The following SASS6 variants were observed in gnomAD, a reference collection of about 807,000 sequenced individuals.
The protein encoded by SASS6 is SAS-6 centriolar assembly protein, also known as spindle assembly abnormal protein 6 homolog.
In SASS6, 59 loss-of-function variants were observed where a neutral mutation model predicts 94.9. The ratio of observed to expected loss-of-function variants is 0.62; its 90% confidence interval spans 0.50 to 0.77. SASS6 has a LOEUF of 0.77. SASS6 is among the 30% of genes least tolerant of loss of function. The pLI, the probability that SASS6 is intolerant of heterozygous loss-of-function variation, is 0.00. For missense variants in SASS6, 698 were observed against 734.1 expected, an observed-to-expected ratio of 0.95 and a Z score of 0.57; for synonymous variants, 264 against 270.0, an observed-to-expected ratio of 0.98 and a Z score of 0.22.
chr1:100,114,912 C>CA (rs1394611205), intron 7 of SASS6, among the ~76,000 whole-genome samples: 1 of 151,916 alleles, frequency 6.6e-6, no homozygotes, highest in Admixed American at 6.6e-5. Flanking sequence ...GGTTAGATCC[C>CA]AAAACTCATT....
chr1:100,120,245 A>AGT (rs1276900495), intron 6 of SASS6, 149 bp downstream of exon 6: 1 of 577,086 alleles, frequency 1.7e-6, no homozygotes, highest in Non-Finnish European at 3.1e-6. Context: ...AAGATAATTA[A>AGT]GTGGTAGTTG....
At chr1:100,091,441 C>T (rs1044310144) in intron 14 of SASS6, among the ~76,000 whole-genome samples, 1 of 151,670 alleles carries the variant, frequency 6.6e-6, no homozygotes, top group South Asian at 2.1e-4. Context: ...TTCTAATGTC[C>T]AGGATACAAT....
Position 100,107,500 on chromosome 1 carries a change from C to T in SASS6, c.1200G>A (p.Lys400=), listed in dbSNP as rs763224775. The T allele has an allele frequency of 1.2e-5, 19 of 1,608,452 alleles. 1 individual carries two copies. In the South Asian group the frequency reaches 2.1e-4, roughly 18 times the overall value. The change falls in exon 11 of 17, where the codon AAG becomes AAA. Residue 400 remains lysine (K), a synonymous_variant. Coordinates refer to ENST00000287482, the MANE Select transcript of SASS6 (RefSeq NM_194292.3). ...LQGDLKTLMG[K]LKLKNTVTIQ... ...TAGTAACTGTATTCTTCAATTTCAA[C>T]TTACCCATTAAAGTTTTCAGATCCC...
intron 13 of SASS6, 64 bp from the exon 14 acceptor site, chr1:100,103,147 C>T (rs1181225101): frequency 5.6e-6 from 6 of 1,075,900 alleles, no homozygotes; most frequent in Non-Finnish European, 8.1e-6. Flanking sequence ...ATTTGTTGAT[C>T]AGGTGGCATT....
intron 3 of SASS6, 103 bp downstream of exon 3, chr1:100,123,107 A>G: frequency 1.8e-6 from 1 of 563,500 alleles, no homozygotes; most frequent in Non-Finnish European, 3.2e-6. Context: ...TCCCAAAGTA[A>G]CTAAATCTAA....
Position 100,083,753 on chromosome 1 carries a change from T to C in SASS6, c.*1575A>G, listed in dbSNP as rs1651014655. On this transcript the variant is annotated 3_prime_UTR_variant, in exon 17 of 17. Transcript: ENST00000287482. Reference sequence around the variant, plus strand: ...ATACATTTAATACAAATTTGCAAGATATCAGAATGATCTCTCCTGAAAATT... The same window carrying C: ...ATACATTTAATACAAATTTGCAAGACATCAGAATGATCTCTCCTGAAAATT... The C allele has an allele frequency of 6.6e-6, 1 of 152,068 alleles. No homozygotes were observed. Among genetic ancestry groups the C allele is most frequent in the Non-Finnish European group, 1.5e-5 (1 of 67,928 alleles). 9.4% of individuals were successfully genotyped at this position (152,068 alleles called of 1,614,324 possible).
chr1:100,106,322 A>G (rs1652905279), intron 12 of SASS6, among the ~76,000 whole-genome samples: 1 of 152,198 alleles, frequency 6.6e-6, no homozygotes, highest in Admixed American at 6.5e-5. Flanking sequence ...TAAAAAAAGG[A>G]ATAATGAAGA....
rs57639570 is a variant in SASS6 at position 100,091,630 on chromosome 1, T to TAA, written c.1675-3396_1675-3395dup. On this transcript the variant is annotated intron_variant, in intron 14 of 16. Transcript: ENST00000287482. Reference sequence around the variant, plus strand: ...TCAAATGAATGTAAAAAAGTCTCATTAAAAAAAAAAAAAAAAAAGGAAAGA... The same window carrying TAA: ...TCAAATGAATGTAAAAAAGTCTCATTAAAAAAAAAAAAAAAAAAAAGGAAAGA... Among the ~76,000 whole-genome samples the TAA allele has an allele frequency of 5.7e-3, 475 of 83,018 alleles. 3 individuals carry two copies. The highest frequency in any genetic ancestry group is 0.021 in the African/African-American group (450 of 21,456). 54.5% of individuals were successfully genotyped at this position (83,018 alleles called of 152,430 possible).
chr1:100,104,778 C>A (rs1201818897), intron 13 of SASS6, among the ~76,000 whole-genome samples: 2 of 141,940 alleles, frequency 1.4e-5, no homozygotes, highest in Non-Finnish European at 3.0e-5. Flanking sequence ...CCTTTTTTCT[C>A]AGGTTAAAAA....
At chr1:100,103,213 G>C in intron 13 of SASS6, 130 bp from the exon 14 acceptor site, 1 of 569,774 alleles carries the variant, frequency 1.8e-6, no homozygotes, top group Non-Finnish European at 3.1e-6. Context: ...CGCCAGTCTT[G>C]TTTATCATGC....
Position 100,088,165 on chromosome 1 carries a change from A to C in SASS6, c.1746T>G (p.Ser582Arg). 1 of 1,598,636 alleles carries C rather than the reference A, an allele frequency of 6.3e-7. No individual in the cohort carries two copies. The highest frequency in any genetic ancestry group is 8.6e-7 in the Non-Finnish European group (1 of 1,166,248). ...LGDVQSGATI[S>R]MPCSTDKENG... The stretch of plus-strand genomic sequence containing the variant: ...TTTCCTTATCAGTTGAGCAAGGCAT[A>C]CTAATAGTTGCTCCTGACTGAACAT... Residue 582 changes from serine to arginine, a missense_variant, in exon 15 of 17, where the codon AGT becomes AGG. Ser to Arg is a moderately radical substitution (Grantham distance 110). Coordinates refer to ENST00000287482, the MANE Select transcript of SASS6 (RefSeq NM_194292.3).
intron 1 of SASS6, among the ~76,000 whole-genome samples, chr1:100,126,883 C>A (rs975152904): frequency 2.0e-5 from 3 of 152,118 alleles, no homozygotes. Context: ...CATACAAAAA[C>A]GTATTTTCAC....
At chr1:100,114,699 C>T (rs1034294411) in intron 7 of SASS6, among the ~76,000 whole-genome samples, 1 of 151,944 alleles carries the variant, frequency 6.6e-6, no homozygotes, top group African/African-American at 2.4e-5. Flanking sequence ...GCCTGGGCAA[C>T]AGAGCAAGAC....
At position 100,120,450 on chromosome 1, in the gene SASS6, A is replaced by G. The variant is rs1268893790; in HGVS notation, c.493T>C (p.Leu165=). The part of the protein sequence containing the change: ...GCLKCSKEEK[L]SLMQSLDDAT... ...TCATCTAGTGATTGCATCAATGATA[A>G]TTTTTCTTCCTATTCATAAAAATAA... The change falls in exon 6 of 17, where the codon TTA becomes CTA. Residue 165 remains leucine (L), a synonymous_variant. Transcript: ENST00000287482. 1 of 1,413,950 alleles carries G rather than the reference A, an allele frequency of 7.1e-7. No individual in the cohort carries two copies. The allele number at this position is 1,413,950 out of a possible 1,614,324, so 87.6% of individuals were successfully genotyped here.
intron 7 of SASS6, among the ~76,000 whole-genome samples, chr1:100,114,053 CTTT>C (rs1306207309): frequency 6.6e-6 from 1 of 151,752 alleles, no homozygotes; most frequent in South Asian, 2.1e-4. Flanking sequence ...AAACACATGG[CTTT>C]TTAAGAAAAT....
chr1:100,114,307 T>C (rs1337749386), intron 7 of SASS6, among the ~76,000 whole-genome samples: 1 of 151,954 alleles, frequency 6.6e-6, no homozygotes, highest in African/African-American at 2.4e-5. Flanking sequence ...AATACCATAG[T>C]CTATAACCCA....
At chr1:100,132,470 G>C (rs994763648) in intron 1 of SASS6, among the ~76,000 whole-genome samples, 1 of 152,088 alleles carries the variant, frequency 6.6e-6, no homozygotes, top group African/African-American at 2.4e-5. Flanking sequence ...GGGAAGAGTA[G>C]GGCTATAATC....
intron 15 of SASS6, 138 bp downstream of exon 15, chr1:100,088,001 A>G (rs536802866): frequency 4.1e-6 from 2 of 488,850 alleles, no homozygotes; most frequent in African/African-American, 3.9e-5. Context: ...AGAGTAATTC[A>G]ACTTAAATTC....
chr1:100,124,884 G>C (rs1006153906), intron 2 of SASS6, among the ~76,000 whole-genome samples: 3 of 152,120 alleles, frequency 2.0e-5, no homozygotes, highest in African/African-American at 4.8e-5. Flanking sequence ...AATAGGGTTT[G>C]CACTCCTATG....
Sources: allele counts gnomAD v4.1 joint callset (sites outside exome capture counted in the v4.1 genomes callset), GRCh38; gene constraint gnomAD v4.1.1; transcripts MANE v1.5; gene names NCBI Gene and HGNC (gene_info 2026-07-23, HGNC 2026-07-21).